CDH13: variants seen among roughly 807,000 people sequenced by gnomAD.
CDH13 encodes the protein cadherin 13, also known as cadherin-13.
In CDH13, 24 loss-of-function variants were observed where a neutral mutation model predicts 63.8. The ratio of observed to expected loss-of-function variants is 0.38; its 90% CI spans 0.27 to 0.53. The LOEUF is 0.53. Among genes scored for constraint, CDH13 ranks in the 20% least tolerant of loss-of-function variants. The pLI, the probability that CDH13 is intolerant of heterozygous loss-of-function variation, is 0.85. For missense variants in CDH13, 1,049 were observed against 903.1 expected (o/e 1.16, Z -2.07); for synonymous variants, 503 against 355.3 (o/e 1.42, Z -4.67).
At position 83,457,248 on chromosome 16, in the gene CDH13, T is replaced by G. The variant is rs756690186; in HGVS notation, c.782-29229T>G. Among the ~76,000 whole-genome samples, 32 of 152,130 alleles carry G rather than the reference T, an allele frequency of 2.1e-4. 1 individual carries two copies. The highest frequency in any genetic ancestry group is 3.7e-4 in the Non-Finnish European group (25 of 68,022). On this transcript the variant is annotated intron_variant, in intron 6 of 13. Coordinates refer to ENST00000567109, the MANE Select transcript of CDH13 (RefSeq NM_001257.5). The stretch of plus-strand genomic sequence containing the variant: ...TGGGGATTAGACCCAAGAATACACA[T>G]GAAACACTCAGCACGTGCCTGGGCT...
intron 3 of CDH13, among the ~76,000 whole-genome samples, chr16:83,037,276 C>T (rs1017859843): frequency 3.3e-5 from 5 of 152,174 alleles, no homozygotes; most frequent in African/African-American, 1.2e-4. Flanking sequence ...CCCCTTCCTG[C>T]AGATATGGGA....
chr16:83,312,262 A>T (rs2151886652), intron 5 of CDH13, among the ~76,000 whole-genome samples: 1 of 152,242 alleles, frequency 6.6e-6, no homozygotes, highest in Non-Finnish European at 1.5e-5. Context: ...AGCTCACAGT[A>T]CTGCTCTTAT....
rs1295078730 is a variant in CDH13, at chr16:83,047,018, C to G, written c.366+14800C>G. Among the ~76,000 whole-genome samples the G allele has an allele frequency of 2.6e-5, 4 of 152,192 alleles. No individual in the cohort carries two copies. Among genetic ancestry groups the G allele is most frequent in the Non-Finnish European group, 5.9e-5 (4 of 68,038 alleles). On this transcript the variant is annotated intron_variant, in intron 3 of 13. Coordinates refer to ENST00000567109, the MANE Select transcript of CDH13 (RefSeq NM_001257.5). The surrounding 1 kb of genome is among the most constrained non-coding windows in gnomAD (Gnocchi z 4.9). ...AACTGTCTATCTTTCTGCAGCAAAT[C>G]CTTTGACAGAGAATGTGCACTGTCA...
intron 8 of CDH13, among the ~76,000 whole-genome samples, chr16:83,633,497 G>T (rs80011860): frequency 0.012 from 1,859 of 152,294 alleles, 38 homozygotes; most frequent in African/African-American, 0.043. Context: ...AGCACAAAAG[G>T]CCTTAGCCAG....
At position 82,679,910 on chromosome 16, in the gene CDH13, A is replaced by G. The variant is rs923926788; in HGVS notation, c.45+52773A>G. Reference sequence around the variant, plus strand: ...CTCATAAGATTGTCAGGATCATTAAACATCACGAGTATGAGCCCACAGGAA... The same window carrying G: ...CTCATAAGATTGTCAGGATCATTAAGCATCACGAGTATGAGCCCACAGGAA... On this transcript the variant is annotated intron_variant, in intron 1 of 13. Coordinates refer to ENST00000567109, the MANE Select transcript of CDH13 (RefSeq NM_001257.5). Among the ~76,000 whole-genome samples the G allele has an allele frequency of 1.1e-4, 16 of 152,342 alleles. 1 individual carries two copies. Among genetic ancestry groups the G allele is most frequent in the African/African-American group, 3.8e-4 (16 of 41,586 alleles).
chr16:83,777,771 C>A (rs566438996), intron 11 of CDH13, among the ~76,000 whole-genome samples: 13 of 152,300 alleles, frequency 8.5e-5, no homozygotes, highest in Non-Finnish European at 1.6e-4. Context: ...CCCCGTGTAA[C>A]CTGATAGCCT....
intron 1 of CDH13, among the ~76,000 whole-genome samples, chr16:82,804,616 A>T (rs576577537): frequency 2.0e-5 from 3 of 152,210 alleles, no homozygotes; most frequent in Non-Finnish European, 4.4e-5. Flanking sequence ...TATATGCCTT[A>T]TCACATCAGT....
At chr16:83,511,668 G>T (rs2151604719) in intron 7 of CDH13, among the ~76,000 whole-genome samples, 1 of 152,180 alleles carries the variant, frequency 6.6e-6, no homozygotes, top group South Asian at 2.1e-4. Context: ...GCATCACACA[G>T]GTTAATGTAA....
Position 82,627,289 on chromosome 16 carries a change from C to A in CDH13, c.45+152C>A, listed in dbSNP as rs529777681. Reference sequence around the variant, plus strand: ...GGCTCGGTAGGGAGGTCATTCCGAGCCCAGAGATCCTAGGCACCCCCCACA... The same window carrying A: ...GGCTCGGTAGGGAGGTCATTCCGAGACCAGAGATCCTAGGCACCCCCCACA... On this transcript the variant is annotated intron_variant, in intron 1 of 13. Transcript: ENST00000567109. The A allele has an allele frequency of 2.0e-5, 14 of 696,548 alleles. No homozygotes were observed. The East Asian group carries it at 3.8e-4, about 19-fold the overall frequency. The allele number at this position is 696,548 out of a possible 1,614,324, so 43.1% of individuals were successfully genotyped here. A position where few individuals can be genotyped will look rare whatever the true frequency, so the allele number is the denominator to read the frequency against.
intron 5 of CDH13, among the ~76,000 whole-genome samples, chr16:83,311,078 C>G (rs2089989477): frequency 6.6e-6 from 1 of 152,192 alleles, no homozygotes; most frequent in Non-Finnish European, 1.5e-5. Context: ...TTTTACTGCT[C>G]TCCTGCTCCT....
intron 5 of CDH13, among the ~76,000 whole-genome samples, chr16:83,302,267 G>C (rs1402920125): frequency 1.3e-5 from 2 of 152,104 alleles, no homozygotes; most frequent in Non-Finnish European, 2.9e-5. Flanking sequence ...TCCTTTATTG[G>C]TTACTTTTAA....
At chr16:82,782,341 C>G (rs2035794054) in intron 1 of CDH13, among the ~76,000 whole-genome samples, 1 of 152,132 alleles carries the variant, frequency 6.6e-6, no homozygotes, top group African/African-American at 2.4e-5. Context: ...GTGGGTGGAT[C>G]ACGAGGTCAG....
Position 82,778,349 on chromosome 16 carries a change from A to G in CDH13, c.46-80013A>G, listed in dbSNP as rs548200375. Among the ~76,000 whole-genome samples the G allele has an allele frequency of 2.0e-5, 3 of 152,270 alleles. No individual in the cohort carries two copies. The East Asian group carries it at 5.8e-4, about 29-fold the overall frequency. ...TTCCCTCTCTTTCAAATAACTTTGC[A>G]TCCACCTGCTTTGACTCATGATGTT... On this transcript the variant is annotated intron_variant, in intron 1 of 13. Coordinates refer to ENST00000567109, the MANE Select transcript of CDH13 (RefSeq NM_001257.5).
At chr16:82,819,776 C>T (rs1331569555) in intron 1 of CDH13, among the ~76,000 whole-genome samples, 1 of 152,186 alleles carries the variant, frequency 6.6e-6, no homozygotes, top group Non-Finnish European at 1.5e-5. Context: ...ACTTGGAATA[C>T]ATCAATGAAT....
intron 1 of CDH13, among the ~76,000 whole-genome samples, chr16:82,678,648 C>G (rs1053443787): frequency 7.2e-5 from 11 of 152,158 alleles, no homozygotes; most frequent in African/African-American, 2.7e-4. Context: ...TTCCTTGAAG[C>G]TAAGGGTATA....
At chr16:83,105,849 A>T (rs1369564665) in intron 3 of CDH13, among the ~76,000 whole-genome samples, 1 of 152,166 alleles carries the variant, frequency 6.6e-6, no homozygotes, top group African/African-American at 2.4e-5. Flanking sequence ...GGTAGTGAAG[A>T]CCAGGAGGGA....
intron 6 of CDH13, among the ~76,000 whole-genome samples, chr16:83,440,257 T>G (rs9806788): frequency 9.4e-4 from 143 of 152,332 alleles, no homozygotes; most frequent in African/African-American, 3.4e-3. Flanking sequence ...GGAGTTTGGT[T>G]ATTCATCTGG....
At chr16:82,731,727 T>A (rs960313055) in intron 1 of CDH13, among the ~76,000 whole-genome samples, 2 of 152,266 alleles carry the variant, frequency 1.3e-5, no homozygotes, top group African/African-American at 4.8e-5. Flanking sequence ...TCTGTGAGAA[T>A]CAATTGGCTG....
intron 2 of CDH13, among the ~76,000 whole-genome samples, chr16:82,923,903 T>A (rs1465042488): frequency 1.3e-5 from 2 of 152,226 alleles, no homozygotes; most frequent in Non-Finnish European, 2.9e-5. Context: ...TTCCCAGCCC[T>A]TCCTCTCTGC....
Sources: gnomAD v4.1 joint callset for allele counts (sites outside exome capture counted in the v4.1 genomes callset) on GRCh38, gnomAD v4.1.1 for gene constraint, Gnocchi (gnomAD v3.1) non-coding constraint, MANE v1.5 for transcripts, NCBI Gene and HGNC (gene_info 2026-07-23, HGNC 2026-07-21) for gene names.